The following TTC27 variants were observed in gnomAD, a reference collection of about 807,000 sequenced individuals.
TTC27 encodes tetratricopeptide repeat domain 27, also known as tetratricopeptide repeat protein 27.
Under a neutral mutation model 115.9 loss-of-function variants are expected in TTC27, and 79 were observed. That is an observed-to-expected ratio of 0.68 (90% CI 0.57 to 0.82). TTC27 has a LOEUF of 0.82. Among genes scored for constraint, TTC27 ranks in the 40% least tolerant of loss-of-function variants. TTC27 has a pLI of 0.00. For missense variants in TTC27, 1,054 were observed against 993.1 expected (o/e 1.06, Z -0.82); for synonymous variants, 401 against 356.0 (o/e 1.13, Z -1.42).
At chr2:32,711,148 A>G (rs1370424868) in intron 10 of TTC27, among the ~76,000 whole-genome samples, 1 of 151,528 alleles carries the variant, frequency 6.6e-6, no homozygotes, top group Non-Finnish European at 1.5e-5. Flanking sequence ...AAGAAGAAGA[A>G]GAAGAAGAGA....
At position 32,731,300 on chromosome 2, in the gene TTC27, G is replaced by A. The variant is rs555736905; in HGVS notation, c.1234-2528G>A. Among the ~76,000 whole-genome samples the A allele has an allele frequency of 3.9e-5, 6 of 152,082 alleles. No individual in the cohort carries two copies. In the East Asian group the frequency reaches 9.8e-4, roughly 25 times the overall value. ...CACGGGGTTTCACCATGTTGGCCAG[G>A]CTGGTTTTGAATTCCTGATCCGCCT... On this transcript the variant is annotated intron_variant, in intron 10 of 19. Coordinates refer to ENST00000317907, the MANE Select transcript of TTC27 (RefSeq NM_017735.5).
chr2:32,755,156 A>G (rs1207026841), intron 12 of TTC27, among the ~76,000 whole-genome samples: 2 of 150,478 alleles, frequency 1.3e-5, no homozygotes, highest in South Asian at 2.1e-4. Context: ...CCAGGCAGAG[A>G]CGCTCCTCAC....
chr2:32,799,479 A>G (rs1208904712), intron 16 of TTC27, among the ~76,000 whole-genome samples: 1 of 152,250 alleles, frequency 6.6e-6, no homozygotes, highest in Admixed American at 6.5e-5. Flanking sequence ...TTAGTTTATG[A>G]TACACCAAAC....
At chr2:32,665,705 C>G (rs1665747447) in intron 6 of TTC27, among the ~76,000 whole-genome samples, 1 of 151,856 alleles carries the variant, frequency 6.6e-6, no homozygotes, top group African/African-American at 2.4e-5. Flanking sequence ...CCATCCTGGC[C>G]AACATGGCAA....
At chr2:32,684,119 C>T (rs186510396) in intron 9 of TTC27, among the ~76,000 whole-genome samples, 90 of 152,274 alleles carry the variant, frequency 5.9e-4, no homozygotes, top group African/African-American at 1.9e-3. Context: ...GGTCACGCCA[C>T]TGCACCCCAG....
At position 32,640,415 on chromosome 2, in the gene TTC27, G is replaced by A. The variant is rs1472352170; in HGVS notation, c.537+5G>A. 1 of 1,612,874 alleles carries A rather than the reference G, an allele frequency of 6.2e-7. No individual in the cohort carries two copies. ...CATAAACTGACAGCTATTCAGGTAA[G>A]GAAAGGATCCATGAGATTCATACCC... On this transcript the variant is annotated splice_donor_5th_base_variant and intron_variant, in intron 4 of 19. Transcript: ENST00000317907.
chr2:32,668,679 C>T (rs1665892381), intron 7 of TTC27, among the ~76,000 whole-genome samples: 1 of 151,704 alleles, frequency 6.6e-6, no homozygotes, highest in African/African-American at 2.4e-5. Context: ...GCCTCAACCT[C>T]CCAAAGTGCT....
intron 18 of TTC27, among the ~76,000 whole-genome samples, chr2:32,814,348 C>T (rs1312572345): frequency 6.6e-6 from 1 of 152,194 alleles, no homozygotes; most frequent in East Asian, 1.9e-4. Context: ...TTTAAGTTCT[C>T]CTCTGACATC....
rs1463853794 is a variant in TTC27 at position 32,812,816 on chromosome 2, G to C, written c.2308+201G>C. Among the ~76,000 whole-genome samples the C allele has an allele frequency of 2.0e-5, 3 of 152,188 alleles. No homozygotes were observed. The South Asian group carries it at 6.2e-4, about 31-fold the overall frequency. On this transcript the variant is annotated intron_variant, in intron 18 of 19. Coordinates refer to ENST00000317907, the MANE Select transcript of TTC27 (RefSeq NM_017735.5). ...ATTTTGAAATAAGAAGAAGAAACAG[G>C]ATAGAGGCTTATATTCTGTTGGAGT...
intron 7 of TTC27, 57 bp from the exon 8 acceptor site, chr2:32,672,215 T>G: frequency 7.9e-7 from 1 of 1,267,396 alleles, no homozygotes; most frequent in Non-Finnish European, 1.1e-6. Context: ...CATGCCATTC[T>G]GGTGAATGAA....
intron 10 of TTC27, among the ~76,000 whole-genome samples, chr2:32,703,144 T>C (rs543216579): frequency 6.6e-6 from 1 of 152,274 alleles, no homozygotes; most frequent in South Asian, 2.1e-4. Context: ...CAAACCTCAT[T>C]TTCATCATCT....
intron 4 of TTC27, among the ~76,000 whole-genome samples, chr2:32,641,592 C>T (rs1664650434): frequency 6.6e-6 from 1 of 152,238 alleles, no homozygotes; most frequent in African/African-American, 2.4e-5. Flanking sequence ...TGGTGTGCTG[C>T]AGACCCCATA....
intron 16 of TTC27, among the ~76,000 whole-genome samples, chr2:32,801,775 A>G (rs542002355): frequency 1.3e-5 from 2 of 152,338 alleles, no homozygotes; most frequent in Admixed American, 6.5e-5. Flanking sequence ...AAAGACCTCA[A>G]CCACTCCTAT....
chr2:32,736,155 A>G (rs1049976552), intron 11 of TTC27, among the ~76,000 whole-genome samples: 38 of 152,204 alleles, frequency 2.5e-4, no homozygotes, highest in African/African-American at 8.9e-4. Flanking sequence ...ACCTTAACTC[A>G]GTTTGCTCTT....
chr2:32,763,467 C>T (rs1454529961), intron 13 of TTC27, among the ~76,000 whole-genome samples: 1 of 152,138 alleles, frequency 6.6e-6, no homozygotes, highest in Non-Finnish European at 1.5e-5. Flanking sequence ...GCTTCTGCAC[C>T]TCTTAATAAC....
rs1666551398 is a variant in TTC27, at chr2:32,684,259, A to AT, written c.1119+5343dup. Among the ~76,000 whole-genome samples the AT allele has an allele frequency of 2.6e-5, 4 of 152,186 alleles. No homozygotes were observed. In the South Asian group the frequency reaches 8.3e-4, roughly 32 times the overall value. ...TCCCTACAAAGGACATGAACTCATC[A>AT]TTTTTTATGGCTGCATAGTATGCCA... On this transcript the variant is annotated intron_variant, in intron 9 of 19. Transcript: ENST00000317907.
At chr2:32,684,316 G>T (rs972675080) in intron 9 of TTC27, among the ~76,000 whole-genome samples, 4 of 151,936 alleles carry the variant, frequency 2.6e-5, no homozygotes, top group Non-Finnish European at 4.4e-5. Context: ...TCTTAATCCA[G>T]TCTATCATTG....
chr2:32,709,528 A>G (rs895272741), intron 10 of TTC27, among the ~76,000 whole-genome samples: 1 of 152,208 alleles, frequency 6.6e-6, no homozygotes, highest in African/African-American at 2.4e-5. Context: ...CTAGGGTACA[A>G]CACCTGTTGA....
chr2:32,669,379 G>A (rs982184953), intron 7 of TTC27, among the ~76,000 whole-genome samples: 4 of 152,244 alleles, frequency 2.6e-5, no homozygotes, highest in Non-Finnish European at 5.9e-5. Flanking sequence ...GAGAGTACAA[G>A]TTGTATGCTG....
Sources: allele counts gnomAD v4.1 joint callset (sites outside exome capture counted in the v4.1 genomes callset), GRCh38; gene constraint gnomAD v4.1.1; transcripts MANE v1.5; gene names NCBI Gene and HGNC (gene_info 2026-07-23, HGNC 2026-07-21).